The following BCKDHA variants were observed in gnomAD, a reference collection of about 807,000 sequenced individuals.
The protein encoded by BCKDHA is branched chain keto acid dehydrogenase E1 subunit alpha, also known as 2-oxoisovalerate dehydrogenase subunit alpha, mitochondrial.
Under a neutral mutation model 52.2 loss-of-function variants are expected in BCKDHA, and 43 were observed. The observed-to-expected ratio is 0.82, with a 90% CI of 0.64 to 1.06. The LOEUF is 1.06. Ranked by LOEUF, BCKDHA falls within the 50% of genes least tolerant of loss-of-function variation. The pLI is 0.00. For synonymous variants in BCKDHA, 234 were observed against 247.9 expected, an observed-to-expected ratio of 0.94 and a Z score of 0.53; for missense variants, 527 against 621.3, an observed-to-expected ratio of 0.85 and a Z score of 1.61.
In BCKDHA at chr19:41,424,838, C is replaced by T; in HGVS notation, c.*230C>T. 1 of 527,458 alleles carries T rather than the reference C, an allele frequency of 1.9e-6. No individual in the cohort carries two copies. Among genetic ancestry groups the T allele is most frequent in the Non-Finnish European group, 3.3e-6 (1 of 299,690 alleles). 32.7% of individuals were successfully genotyped at this position (527,458 alleles called of 1,614,324 possible). A position where few individuals can be genotyped will look rare whatever the true frequency, so the allele number is the denominator to read the frequency against. On this transcript the variant is annotated 3_prime_UTR_variant, in exon 9 of 9. Coordinates refer to ENST00000269980, the MANE Select transcript of BCKDHA (RefSeq NM_000709.4). ...GAGGCTCCGTCAGCCCCCTCTTCACCTGTTGTTACAGTGCCTTCTCCCAGG... is the reference window on the plus strand; with the variant it reads ...GAGGCTCCGTCAGCCCCCTCTTCACTTGTTGTTACAGTGCCTTCTCCCAGG...
At chr19:41,410,432 T>G (rs2039238714) in intron 1 of BCKDHA, among the ~76,000 whole-genome samples, 1 of 152,208 alleles carries the variant, frequency 6.6e-6, no homozygotes, top group Admixed American at 6.5e-5. Context: ...ATGGGGAAAC[T>G]GAGACACAGA....
At chr19:41,400,613 G>C (rs1421005327) in intron 1 of BCKDHA, among the ~76,000 whole-genome samples, 1 of 151,972 alleles carries the variant, frequency 6.6e-6, no homozygotes, top group Non-Finnish European at 1.5e-5. Context: ...TGAACTCCTG[G>C]ACTCAAGCGA....
At position 41,424,391 on chromosome 19, in the gene BCKDHA, C is replaced by T; in HGVS notation, c.1168-47C>T. 1.9e-6 allele frequency: 3 copies of T among 1,611,352 alleles called. No homozygotes were observed. In the South Asian group the frequency reaches 3.3e-5, roughly 18 times the overall value. On this transcript the variant is annotated intron_variant, in intron 8 of 8. Transcript: ENST00000269980. Reference sequence around the variant, plus strand: ...AGGCCCCGCAGGAGGAAGCAGGGTCCTGCATGGGAGGCCGGCTAGCCTGCC... The same window carrying T: ...AGGCCCCGCAGGAGGAAGCAGGGTCTTGCATGGGAGGCCGGCTAGCCTGCC...
intron 4 of BCKDHA, among the ~76,000 whole-genome samples, chr19:41,415,907 A>G (rs1442151660): frequency 7.0e-6 from 1 of 142,472 alleles, no homozygotes; most frequent in Non-Finnish European, 1.5e-5. Flanking sequence ...TCCACCTCCT[A>G]AAGTGCTGGG....
intron 5 of BCKDHA, among the ~76,000 whole-genome samples, chr19:41,421,693 A>G (rs1375046558): frequency 2.0e-5 from 3 of 152,062 alleles, no homozygotes; most frequent in East Asian, 3.9e-4. Context: ...CTTTTACTCA[A>G]AGTGGGACAG....
intron 4 of BCKDHA, among the ~76,000 whole-genome samples, chr19:41,416,344 C>G (rs1313966686): frequency 6.6e-6 from 1 of 152,164 alleles, no homozygotes; most frequent in Non-Finnish European, 1.5e-5. Flanking sequence ...TAGGGCAGGC[C>G]CCAGTGGTGT....
intron 1 of BCKDHA, among the ~76,000 whole-genome samples, chr19:41,407,808 A>G (rs1309078466): frequency 6.6e-6 from 1 of 152,178 alleles, no homozygotes; most frequent in Non-Finnish European, 1.5e-5. Flanking sequence ...TGAAGCCACC[A>G]TTACTGACCT....
intron 8 of BCKDHA, 125 bp downstream of exon 8, chr19:41,423,294 T>G: frequency 6.9e-7 from 1 of 1,443,656 alleles, no homozygotes; most frequent in Non-Finnish European, 9.3e-7. Context: ...AGATGTGGCC[T>G]GTGGAGCCAG....
At chr19:41,424,294 A>C in intron 8 of BCKDHA, 144 bp from the exon 9 acceptor site, 1 of 921,388 alleles carries the variant, frequency 1.1e-6, no homozygotes, top group Non-Finnish European at 1.7e-6. Context: ...TTTTCATTAC[A>C]CTTCTGCTAG....
chr19:41,400,749 C>T (rs759659148), intron 1 of BCKDHA, among the ~76,000 whole-genome samples: 90 of 151,874 alleles, frequency 5.9e-4, no homozygotes, highest in Non-Finnish European at 1.1e-3. Context: ...GTGGCTCATG[C>T]CTGTAATCCC....
At chr19:41,422,084 G>A in intron 5 of BCKDHA, 80 bp from the exon 6 acceptor site, 1 of 1,398,616 alleles carries the variant, frequency 7.1e-7, no homozygotes, top group Non-Finnish European at 9.9e-7. Context: ...CCACGCTTGA[G>A]CCGTGGGTCA....
At chr19:41,404,774 A>G (rs1275575281) in intron 1 of BCKDHA, among the ~76,000 whole-genome samples, 3 of 151,888 alleles carry the variant, frequency 2.0e-5, no homozygotes, top group African/African-American at 7.3e-5. Flanking sequence ...TTGTATTTTT[A>G]GTAGAGATGG....
At chr19:41,410,516 C>T in intron 1 of BCKDHA, 121 bp from the exon 2 acceptor site, 4 of 1,131,808 alleles carry the variant, frequency 3.5e-6, no homozygotes, top group Non-Finnish European at 5.1e-6. Flanking sequence ...TGAGTCAGGC[C>T]CCAGAGTTCA....
At position 41,422,765 on chromosome 19, in the gene BCKDHA, C is replaced by T. The variant is rs1213059681; in HGVS notation, c.990C>T (p.Thr330=). Residue 330 remains threonine, a synonymous_variant, in exon 7 of 9, where the codon ACC becomes ACT. Transcript: ENST00000269980. ...AGCCCTTCCTCATCGAGGCCATGAC[C>T]TACAGGTGCCTGCCGCTCCCCCCGT... The part of the protein sequence containing the change: ...ENQPFLIEAM[T]YRIGHHSTSD... The T allele has an allele frequency of 5.0e-6, 8 of 1,613,112 alleles. No homozygotes were observed. The highest frequency in any genetic ancestry group is 6.8e-6 in the Non-Finnish European group (8 of 1,180,024).
At position 41,419,302 on chromosome 19, in the gene BCKDHA, G is replaced by A; in HGVS notation, c.646+6G>A. 1 of 1,611,270 alleles carries A rather than the reference G, an allele frequency of 6.2e-7. No individual in the cohort carries two copies. Among genetic ancestry groups the A allele is most frequent in the Non-Finnish European group, 8.5e-7 (1 of 1,178,662 alleles). On this transcript the variant is annotated splice_donor_region_variant and intron_variant, in intron 5 of 8. Transcript: ENST00000269980. Reference sequence around the variant, plus strand: ...GGCCACGCAGATCCCTCAGGGTGAGGATGCATGCCCTGTACCTTGCACATG... The same window carrying A: ...GGCCACGCAGATCCCTCAGGGTGAGAATGCATGCCCTGTACCTTGCACATG...
intron 1 of BCKDHA, chr19:41,399,376 C>T (rs2039112152): frequency 7.6e-6 from 1 of 132,198 alleles, no homozygotes; most frequent in Admixed American, 8.5e-5. Context: ...TCCTCCACAG[C>T]TGATCTCAGT....
intron 1 of BCKDHA, among the ~76,000 whole-genome samples, chr19:41,399,197 G>T (rs1298437350): frequency 6.6e-6 from 1 of 152,172 alleles, no homozygotes; most frequent in Non-Finnish European, 1.5e-5. Flanking sequence ...GGAGGAGGGT[G>T]AAGAAGATGG....
chr19:41,414,332 C>G (rs2039287231), intron 4 of BCKDHA, among the ~76,000 whole-genome samples, 175 bp downstream of exon 4: 1 of 152,168 alleles, frequency 6.6e-6, no homozygotes, highest in Admixed American at 6.5e-5. Context: ...GCAGTCTTCC[C>G]ACTCTGAAGG....
rs1171151919 is a variant in BCKDHA, at chr19:41,414,035, C to T, written c.376-14C>T. The stretch of plus-strand genomic sequence containing the variant: ...TAACCAATTGTGGGACCCCGGTCCC[C>T]TCTACACCCCCAGGGCCGGATCTCC... On this transcript the variant is annotated splice_polypyrimidine_tract_variant and intron_variant, in intron 3 of 8. Coordinates refer to ENST00000269980, the MANE Select transcript of BCKDHA (RefSeq NM_000709.4). 1.1e-5 allele frequency: 18 copies of T among 1,611,368 alleles called. No individual in the cohort carries two copies. The highest frequency in any genetic ancestry group is 1.4e-5 in the Non-Finnish European group (17 of 1,178,094).
Sources: allele counts gnomAD v4.1 joint callset (sites outside exome capture counted in the v4.1 genomes callset), GRCh38; gene constraint gnomAD v4.1.1; transcripts MANE v1.5; gene names NCBI Gene and HGNC (gene_info 2026-07-23, HGNC 2026-07-21).